Variants in SLC8A1 observed in about 807,000 individuals in gnomAD.
SLC8A1 encodes the protein sodium/calcium exchanger 1.
In SLC8A1, 18 loss-of-function variants were observed where a neutral mutation model predicts 68.3. That is an observed-to-expected ratio of 0.26 (90% CI 0.18 to 0.39). SLC8A1 has a LOEUF of 0.39. Among genes scored for constraint, SLC8A1 ranks in the 10% least tolerant of loss-of-function variants. The pLI is 1.00. For missense variants in SLC8A1, 985 were observed against 1,156.7 expected (o/e 0.85, Z 2.15); for synonymous variants, 475 against 415.5 (o/e 1.14, Z -1.74).
chr2:40,366,077 A>G (rs1176943618), intron 2 of SLC8A1, among the ~76,000 whole-genome samples: 2 of 151,958 alleles, frequency 1.3e-5, no homozygotes, highest in East Asian at 3.9e-4. Context: ...TCTGTACATT[A>G]TGAGCTACCT....
At chr2:40,360,298 A>G (rs1464085286) in intron 2 of SLC8A1, among the ~76,000 whole-genome samples, 2 of 152,194 alleles carry the variant, frequency 1.3e-5, no homozygotes, top group African/African-American at 2.4e-5. Context: ...AACCTTGCTT[A>G]TCTAAATTTG....
At chr2:40,376,179 G>A (rs758547022) in intron 2 of SLC8A1, among the ~76,000 whole-genome samples, 2 of 151,954 alleles carry the variant, frequency 1.3e-5, no homozygotes, top group Admixed American at 6.6e-5. Context: ...ATAAGTTTGT[G>A]ACTTAACTGT....
chr2:40,505,527 A>G (rs967865582), intron 1 of SLC8A1, among the ~76,000 whole-genome samples: 6 of 151,932 alleles, frequency 3.9e-5, no homozygotes, highest in African/African-American at 7.2e-5. Context: ...AAAAAGTCAC[A>G]TTGGTGGAAA....
At chr2:40,369,799 T>C (rs1292842703) in intron 2 of SLC8A1, among the ~76,000 whole-genome samples, 1 of 152,052 alleles carries the variant, frequency 6.6e-6, no homozygotes, top group Non-Finnish European at 1.5e-5. Context: ...TGGTTGGGCC[T>C]GACAGCCAAT....
Position 40,127,337 on chromosome 2 carries a change from C to T in SLC8A1, c.2438-11708G>A, listed in dbSNP as rs2373794. ...ATTTCTCCCCAAAGCACAGACTAAA[C>T]GGCAGGAAGCACGTCCAACCACTTC... On this transcript the variant is annotated intron_variant, in intron 7 of 7. Transcript: ENST00000406785. Among the ~76,000 whole-genome samples the T allele has an allele frequency of 2.6e-3, 392 of 152,012 alleles. 3 individuals carry two copies. The highest frequency in any genetic ancestry group is 9.1e-3 in the African/African-American group (376 of 41,428).
intron 2 of SLC8A1, among the ~76,000 whole-genome samples, chr2:40,206,957 A>T (rs1446341421): frequency 6.6e-6 from 1 of 152,086 alleles, no homozygotes; most frequent in Admixed American, 6.6e-5. Flanking sequence ...CTGAATACAG[A>T]AAAGCTGGAT....
At chr2:40,354,037 G>T (rs1278185248) in intron 2 of SLC8A1, among the ~76,000 whole-genome samples, 1 of 152,184 alleles carries the variant, frequency 6.6e-6, no homozygotes, top group African/African-American at 2.4e-5. Context: ...TTGTGCAGAT[G>T]TTTTTATAGG....
At chr2:40,417,026 A>T (rs1000538950) in intron 2 of SLC8A1, among the ~76,000 whole-genome samples, 2 of 152,146 alleles carry the variant, frequency 1.3e-5, no homozygotes, top group African/African-American at 4.8e-5. Flanking sequence ...GGCAAAGTAC[A>T]GAGGTCTCTG....
At chr2:40,271,925 G>A (rs779311713) in intron 2 of SLC8A1, among the ~76,000 whole-genome samples, 7 of 151,978 alleles carry the variant, frequency 4.6e-5, no homozygotes, top group Non-Finnish European at 8.8e-5. Flanking sequence ...GGAATGCAGT[G>A]GAACCGTCAT....
intron 2 of SLC8A1, among the ~76,000 whole-genome samples, chr2:40,351,291 G>C (rs1671004030): frequency 6.6e-6 from 1 of 152,166 alleles, no homozygotes; most frequent in South Asian, 2.1e-4. Flanking sequence ...AACATGCCAT[G>C]GATGATACAT....
intron 2 of SLC8A1, among the ~76,000 whole-genome samples, chr2:40,276,707 T>C (rs2066743265): frequency 6.6e-6 from 1 of 152,248 alleles, no homozygotes; most frequent in African/African-American, 2.4e-5. Flanking sequence ...AACTATCACC[T>C]CTTTAATCTT....
chr2:40,359,330 T>C (rs1270821368), intron 2 of SLC8A1, among the ~76,000 whole-genome samples: 1 of 152,194 alleles, frequency 6.6e-6, no homozygotes, highest in African/African-American at 2.4e-5. Flanking sequence ...ATTTTTACTT[T>C]TTTAAGACGA....
intron 2 of SLC8A1, among the ~76,000 whole-genome samples, chr2:40,283,997 T>C (rs774675823): frequency 1.3e-5 from 2 of 152,120 alleles, no homozygotes; most frequent in East Asian, 3.9e-4. Context: ...GTAGTTCTAG[T>C]GGTTTAGGAG....
chr2:40,448,874 T>C (rs1374098782), intron 1 of SLC8A1, among the ~76,000 whole-genome samples: 1 of 152,162 alleles, frequency 6.6e-6, no homozygotes, highest in Non-Finnish European at 1.5e-5. Flanking sequence ...AGAGAGATAA[T>C]AGCATGTTGA....
upstream of SLC8A1, among the ~76,000 whole-genome samples, chr2:40,452,968 G>GAGAA (rs1702737355): frequency 6.6e-6 from 1 of 152,114 alleles, no homozygotes. Flanking sequence ...ACCATTCTTT[G>GAGAA]CCCTTTCCAA....
At chr2:40,355,619 C>G (rs1411443245) in intron 2 of SLC8A1, among the ~76,000 whole-genome samples, 6 of 152,160 alleles carry the variant, frequency 3.9e-5, no homozygotes, top group Admixed American at 3.9e-4. Flanking sequence ...TTACCACACA[C>G]TGACCCATCT....
intron 2 of SLC8A1, among the ~76,000 whole-genome samples, chr2:40,205,653 G>A (rs577260333): frequency 6.6e-6 from 1 of 152,086 alleles, no homozygotes; most frequent in Non-Finnish European, 1.5e-5. Flanking sequence ...TTCAAATGGT[G>A]GAAGGTGGGA....
chr2:40,263,466 C>T (rs567973819), intron 2 of SLC8A1, among the ~76,000 whole-genome samples: 1 of 152,268 alleles, frequency 6.6e-6, no homozygotes, highest in African/African-American at 2.4e-5. Context: ...TACAAGGCTA[C>T]AGCAACCAAA....
chr2:40,132,824 A>T (rs944779955), intron 7 of SLC8A1, among the ~76,000 whole-genome samples: 2 of 152,178 alleles, frequency 1.3e-5, no homozygotes, highest in African/African-American at 4.8e-5. Flanking sequence ...CCTAAGTAAG[A>T]TAATAGATAA....
Sources: allele counts gnomAD v4.1 joint callset (sites outside exome capture counted in the v4.1 genomes callset), GRCh38; gene constraint gnomAD v4.1.1; transcripts MANE v1.5; gene names NCBI Gene and HGNC (gene_info 2026-07-23, HGNC 2026-07-21).